Variants in DDX60 observed in about 807,000 individuals in gnomAD.
DDX60 encodes DExD/H-box helicase 60.
In DDX60, 165 loss-of-function variants were observed where a neutral mutation model predicts 212.8. That is an observed-to-expected ratio of 0.78 (90% CI 0.68 to 0.88). The LOEUF (loss-of-function observed/expected upper bound fraction) is 0.88, where lower values mean the gene tolerates loss of function less well. Among genes scored for constraint, DDX60 ranks in the 40% least tolerant of loss-of-function variants. DDX60 has a pLI of 0.00. For synonymous variants in DDX60, 703 were observed against 685.3 expected (o/e 1.03, Z -0.40); for missense variants, 1,905 against 2,003.9 (o/e 0.95, Z 0.94).
rs1579021735 is a variant in DDX60, at chr4:168,267,446, AG to A, written c.3039+135del. On this transcript the variant is annotated intron_variant, in intron 22 of 37. Coordinates refer to ENST00000393743, the MANE Select transcript of DDX60 (RefSeq NM_017631.6). ...AATACTCTTGTTATTTTTTAAATTA[AG>A]GTTAAAGTATCAGTTTCTGTAATTC... is the stretch of plus-strand genomic sequence containing the variant. 10 of 409,834 alleles carry A rather than the reference AG, an allele frequency of 2.4e-5. 1 individual carries two copies. In the Admixed American group the frequency reaches 2.7e-4, roughly 11 times the overall value. 25.4% of individuals were successfully genotyped at this position (409,834 alleles called of 1,614,324 possible).
chr4:168,216,974 G>C lies in DDX60; in HGVS notation c.5098C>G (p.Gln1700Glu). 6.2e-7 allele frequency: 1 copy of C among 1,605,582 alleles called. No homozygotes were observed. Among genetic ancestry groups the C allele is most frequent in the Non-Finnish European group, 8.5e-7 (1 of 1,177,316 alleles). Residue 1700 changes from glutamine to glutamate, a missense_variant, in exon 38 of 38, where the codon CAA (glutamine) becomes GAA (glutamate). By Grantham distance (29) the Gln-to-Glu change is conservative. Transcript: ENST00000393743. Reference sequence around the variant, plus strand: ...TTTTCCCAAAAAGTTGTACTCAGTTGTTCAAAGGCTAAGACAACGTTGTCG... The same window carrying C: ...TTTTCCCAAAAAGTTGTACTCAGTTCTTCAAAGGCTAAGACAACGTTGTCG... ...EDDNVVLAFEQLSTTFWEKLN... is the reference protein window; with the variant it reads ...EDDNVVLAFEELSTTFWEKLN...
intron 5 of DDX60, among the ~76,000 whole-genome samples, chr4:168,306,029 T>C (rs1239013130): frequency 2.6e-5 from 4 of 152,182 alleles, no homozygotes; most frequent in Non-Finnish European, 5.9e-5. Flanking sequence ...CTGTGTCTTT[T>C]CAAATCCATG....
intron 33 of DDX60, among the ~76,000 whole-genome samples, chr4:168,229,742 G>C (rs911723365): frequency 1.3e-5 from 2 of 151,922 alleles, no homozygotes; most frequent in Non-Finnish European, 2.9e-5. Flanking sequence ...ATCCCTGAAA[G>C]ACACCAAAAT....
chr4:168,304,149 C>T (rs568541118), intron 5 of DDX60, among the ~76,000 whole-genome samples: 1 of 151,938 alleles, frequency 6.6e-6, no homozygotes, highest in Non-Finnish European at 1.5e-5. Flanking sequence ...AAACAGCTGC[C>T]AAACAGCCTC....
At chr4:168,220,177 A>G (rs912009575) in intron 37 of DDX60, among the ~76,000 whole-genome samples, 1 of 152,154 alleles carries the variant, frequency 6.6e-6, no homozygotes, top group Non-Finnish European at 1.5e-5. Flanking sequence ...TGAAAATAGG[A>G]GGCCAATATG....
In DDX60 at chr4:168,244,490, G is replaced by A. The variant is rs1467169523; in HGVS notation, c.4164+1928C>T. 2.0e-5 allele frequency among the ~76,000 whole-genome samples: 3 copies of A among 152,190 alleles called. No individual in the cohort carries two copies. The East Asian group carries it at 5.8e-4, about 29-fold the overall frequency. On this transcript the variant is annotated intron_variant, in intron 30 of 37. Transcript: ENST00000393743. ...GCCTGTAATCCCAGTACTTTGGGAGGCTAAGGTGGGTGGATCACAAGGTCA... is the reference window on the plus strand; with the variant it reads ...GCCTGTAATCCCAGTACTTTGGGAGACTAAGGTGGGTGGATCACAAGGTCA...
At chr4:168,325,828 A>C in the DDX60 span, among the ~76,000 whole-genome samples, 1 of 152,230 alleles carries the variant, frequency 6.6e-6, no homozygotes, top group African/African-American at 2.4e-5. Flanking sequence ...TTAAATACTT[A>C]AATCCTTCTT....
chr4:168,304,061 C>T (rs1736769769), intron 5 of DDX60, among the ~76,000 whole-genome samples: 1 of 152,190 alleles, frequency 6.6e-6, no homozygotes, highest in South Asian at 2.1e-4. Context: ...AAAATGACTG[C>T]TACTGACTTA....
At chr4:168,283,859 T>C (rs139446279) in intron 12 of DDX60, among the ~76,000 whole-genome samples, 1 of 152,260 alleles carries the variant, frequency 6.6e-6, no homozygotes, top group East Asian at 1.9e-4. Flanking sequence ...AAATGACGGA[T>C]TCCATTCATT....
intron 8 of DDX60, among the ~76,000 whole-genome samples, chr4:168,290,787 T>G (rs984740093): frequency 6.6e-6 from 1 of 152,180 alleles, no homozygotes; most frequent in Admixed American, 6.5e-5. Context: ...CTGTGGAAAA[T>G]GTAGGTCTAT....
chr4:168,280,484 T>C lies in DDX60; in HGVS notation c.1829A>G (p.Glu610Gly), dbSNP rs775661774. ...AGAGTGTAAATTTTCTTTCAATTGC[T>C]CTTCAATAGAAAATGACAAAGCATT... is the stretch of plus-strand genomic sequence containing the variant. ...KWNALSFSIE[E>G]QLKENLHSGI... is the part of the protein sequence containing the mutation. Residue 610 changes from glutamate to glycine, a missense_variant, in exon 14 of 38, where the codon GAG (glutamate) becomes GGG (glycine). Glu to Gly is a moderately conservative substitution (Grantham distance 98). Coordinates refer to ENST00000393743, the MANE Select transcript of DDX60 (RefSeq NM_017631.6). The C allele has an allele frequency of 6.2e-7, 1 of 1,614,058 alleles. No homozygotes were observed. Among genetic ancestry groups the C allele is most frequent in the Non-Finnish European group, 8.5e-7 (1 of 1,180,022 alleles).
intron 1 of DDX60, among the ~76,000 whole-genome samples, chr4:168,316,303 G>A (rs1560887567): frequency 6.6e-6 from 1 of 152,158 alleles, no homozygotes; most frequent in East Asian, 1.9e-4. Context: ...TGTCACTGCT[G>A]TTTACTTCTT....
At chr4:168,267,811 G>T in intron 21 of DDX60, 30 bp downstream of exon 21, 1 of 1,562,182 alleles carries the variant, frequency 6.4e-7, no homozygotes, top group South Asian at 1.2e-5. Context: ...AAAATAAAAG[G>T]CAAGCTTTAT....
At chr4:168,262,586 T>G (rs967161858) in intron 23 of DDX60, 97 bp downstream of exon 23, 1 of 788,186 alleles carries the variant, frequency 1.3e-6, no homozygotes, top group African/African-American at 1.8e-5. Flanking sequence ...AGTCAACTAA[T>G]AATTTTAAAA....
rs753242748 is a variant in DDX60, at chr4:168,285,504, A to G, written c.1340-6T>C. On this transcript the variant is annotated splice_polypyrimidine_tract_variant and splice_region_variant and intron_variant, in intron 10 of 37. Coordinates refer to ENST00000393743, the MANE Select transcript of DDX60 (RefSeq NM_017631.6). ...CACCATTTCATTGGAGCTGTCTGTA[A>G]ACAAACAAAAAAAAATTGAGACAAG... 4 of 1,579,736 alleles carry G rather than the reference A, an allele frequency of 2.5e-6. No homozygotes were observed. Among genetic ancestry groups the G allele is most frequent in the East Asian group, 2.2e-5 (1 of 44,460 alleles).
chr4:168,323,668 T>C (rs1207089918), upstream of DDX60, among the ~76,000 whole-genome samples: 7 of 152,186 alleles, frequency 4.6e-5, no homozygotes, highest in Non-Finnish European at 7.4e-5. Flanking sequence ...TTAGTATGTA[T>C]AGAGGTATCT....
Position 168,302,360 on chromosome 4 carries a change from AAATCTTTCC to A in DDX60, c.654_662del (p.Leu218_Arg220del). On this transcript the variant is annotated inframe_deletion, in exon 6 of 38. Transcript: ENST00000393743. ...AAAGAGGTGCTAATGCTGAAAGCTT[AAATCTTTCC>A]AACTGGTTAAGCAGGGTTGTATAAG... The A allele has an allele frequency of 6.3e-7, 1 of 1,593,900 alleles. No homozygotes were observed. The highest frequency in any genetic ancestry group is 8.5e-7 in the Non-Finnish European group (1 of 1,170,470).
At chr4:168,258,319 G>A (rs891702413) in intron 25 of DDX60, among the ~76,000 whole-genome samples, 1 of 152,184 alleles carries the variant, frequency 6.6e-6, no homozygotes, top group African/African-American at 2.4e-5. Context: ...TTAAGTAGCT[G>A]TCCAGAAATA....
Position 168,280,327 on chromosome 4 carries a change from T to G in DDX60, c.1978+8A>C, listed in dbSNP as rs749998297. ...AACTCACCGAAATAACAAAACAGAA[T>G]TACATACCTTCTTCACTTCGGCAAT... On this transcript the variant is annotated splice_region_variant and intron_variant, in intron 14 of 37. Coordinates refer to ENST00000393743, the MANE Select transcript of DDX60 (RefSeq NM_017631.6). 1.2e-6 allele frequency: 2 copies of G among 1,602,356 alleles called. No homozygotes were observed. The highest frequency in any genetic ancestry group is 2.2e-5 in the South Asian group (2 of 89,548).
Sources: gnomAD v4.1 joint callset for allele counts (sites outside exome capture counted in the v4.1 genomes callset) on GRCh38, gnomAD v4.1.1 for gene constraint, MANE v1.5 for transcripts, NCBI Gene and HGNC (gene_info 2026-07-23, HGNC 2026-07-21) for gene names.